SHLD1: variants seen among roughly 807,000 people sequenced by gnomAD.
SHLD1 encodes the protein shieldin complex subunit 1.
A neutral mutation model predicts 5.5 loss-of-function variants in SHLD1; 3 were observed. The ratio of observed to expected loss-of-function variants is 0.54; its 90% CI spans 0.25 to 1.40. The LOEUF is 1.40. Ranked by LOEUF, SHLD1 falls within the 40% of genes most tolerant of loss-of-function variation. SHLD1 has a pLI of 0.15. For missense variants in SHLD1, 210 were observed against 244.4 expected, an observed-to-expected ratio of 0.86 and a Z score of 0.94; for synonymous variants, 92 against 94.3, an observed-to-expected ratio of 0.98 and a Z score of 0.14.
intron 1 of SHLD1, among the ~76,000 whole-genome samples, chr20:5,755,594 T>A (rs1016932515): frequency 1.3e-5 from 2 of 151,902 alleles, no homozygotes; most frequent in Non-Finnish European, 2.9e-5. Flanking sequence ...AGTTTCACTC[T>A]TGTTGCCCAG....
chr20:5,848,365 T>C (rs56275333), intron 2 of SHLD1, among the ~76,000 whole-genome samples: 13,206 of 152,048 alleles, frequency 0.087, 607 homozygotes, highest in African/African-American at 0.1. Context: ...CATGGCAAAA[T>C]CCCCTCTCTA....
chr20:5,824,105 C>G (rs1467436553), intron 2 of SHLD1, among the ~76,000 whole-genome samples: 1 of 152,374 alleles, frequency 6.6e-6, no homozygotes, highest in African/African-American at 2.4e-5. Flanking sequence ...CCCACAGGAT[C>G]TGGCTTCTCC....
intron 2 of SHLD1, among the ~76,000 whole-genome samples, chr20:5,801,002 G>C (rs956598615): frequency 8.6e-5 from 13 of 151,808 alleles, no homozygotes; most frequent in Non-Finnish European, 1.8e-4. Context: ...AAAAACTATA[G>C]ACTATTTCTC....
At chr20:5,832,460 A>C (rs2087740366) in intron 2 of SHLD1, among the ~76,000 whole-genome samples, 1 of 150,996 alleles carries the variant, frequency 6.6e-6, no homozygotes, top group African/African-American at 2.4e-5. Flanking sequence ...CACCACTTAA[A>C]TTTTATTTAT....
chr20:5,825,176 G>A (rs2087651959), intron 2 of SHLD1, among the ~76,000 whole-genome samples: 1 of 152,216 alleles, frequency 6.6e-6, no homozygotes, highest in Admixed American at 6.5e-5. Flanking sequence ...GCAGCAACCT[G>A]CCTTTGCTGC....
At chr20:5,799,197 T>C (rs1288393771) in intron 2 of SHLD1, among the ~76,000 whole-genome samples, 1 of 144,760 alleles carries the variant, frequency 6.9e-6, no homozygotes, top group African/African-American at 2.5e-5. Flanking sequence ...AGCGAGACTC[T>C]GTCTCAGAAA....
chr20:5,799,459 C>G (rs1199363053), intron 2 of SHLD1, among the ~76,000 whole-genome samples: 1 of 134,894 alleles, frequency 7.4e-6, no homozygotes, highest in Non-Finnish European at 1.5e-5. Context: ...CACCACCATG[C>G]CTGGCTAATT....
intron 1 of SHLD1, among the ~76,000 whole-genome samples, chr20:5,757,973 C>T (rs189852724): frequency 7.2e-5 from 11 of 152,214 alleles, no homozygotes; most frequent in Admixed American, 7.2e-4. Context: ...GAGTATGATC[C>T]TCTTATATGT....
At chr20:5,854,023 TAGAC>T (rs1476533858) in intron 2 of SHLD1, among the ~76,000 whole-genome samples, 2 of 151,054 alleles carry the variant, frequency 1.3e-5, no homozygotes, top group Non-Finnish European at 3.0e-5. Flanking sequence ...TTTTTTTTTT[TAGAC>T]AGAGTTTTGC....
intron 2 of SHLD1, among the ~76,000 whole-genome samples, chr20:5,794,043 TA>T (rs11480793): frequency 1.4e-4 from 21 of 149,034 alleles, no homozygotes; most frequent in African/African-American, 2.0e-4. Flanking sequence ...TCCCCTCACT[TA>T]AAAAAAAAAA....
chr20:5,800,032 CA>C (rs940141030), intron 2 of SHLD1, among the ~76,000 whole-genome samples: 7 of 151,782 alleles, frequency 4.6e-5, no homozygotes, highest in African/African-American at 1.7e-4. Flanking sequence ...TTTTGTCCTT[CA>C]GGGGGTATTT....
intron 2 of SHLD1, among the ~76,000 whole-genome samples, chr20:5,802,004 CA>C (rs1317007478): frequency 1.3e-5 from 2 of 152,052 alleles, no homozygotes; most frequent in African/African-American, 4.8e-5. Context: ...CTAAACTTAC[CA>C]CAGGAAAAAT....
intron 2 of SHLD1, among the ~76,000 whole-genome samples, chr20:5,824,280 A>C (rs1481175153): frequency 6.6e-6 from 1 of 152,136 alleles, no homozygotes; most frequent in Non-Finnish European, 1.5e-5. Context: ...CTTTCTTCAG[A>C]TCTCTGCTCA....
At chr20:5,825,510 A>G (rs114069682) in intron 2 of SHLD1, among the ~76,000 whole-genome samples, 6,285 of 152,328 alleles carry the variant, frequency 0.041, 472 homozygotes, top group African/African-American at 0.14. Context: ...ATTGCTCTGG[A>G]AGTTTCTGAC....
At chr20:5,860,710 C>G (rs2088149841) in intron 2 of SHLD1, among the ~76,000 whole-genome samples, 1 of 152,022 alleles carries the variant, frequency 6.6e-6, no homozygotes, top group Non-Finnish European at 1.5e-5. Context: ...GCCAAGAACT[C>G]CTCTCCTGCT....
At chr20:5,856,702 T>G (rs189318972) in intron 2 of SHLD1, among the ~76,000 whole-genome samples, 1 of 152,182 alleles carries the variant, frequency 6.6e-6, no homozygotes, top group Non-Finnish European at 1.5e-5. Context: ...CCCCCACTAC[T>G]CCCTGGTTCA....
intron 1 of SHLD1, among the ~76,000 whole-genome samples, chr20:5,762,447 C>T (rs892474698): frequency 1.3e-5 from 2 of 152,122 alleles, no homozygotes; most frequent in African/African-American, 4.8e-5. Flanking sequence ...GCCATACTCT[C>T]TGAGTGGGTA....
chr20:5,826,757 GT>G (rs142327960), intron 2 of SHLD1, among the ~76,000 whole-genome samples: 4,174 of 152,286 alleles, frequency 0.027, 188 homozygotes, highest in African/African-American at 0.094. Flanking sequence ...CTGTGCCTCA[GT>G]TTCCTCATCT....
At chr20:5,828,145 T>C (rs998896004) in intron 2 of SHLD1, among the ~76,000 whole-genome samples, 5 of 152,182 alleles carry the variant, frequency 3.3e-5, no homozygotes, top group Non-Finnish European at 5.9e-5. Flanking sequence ...CCCCCCAACA[T>C]ACATCTAGAT....
Sources: gnomAD v4.1 joint callset for allele counts (sites outside exome capture counted in the v4.1 genomes callset) on GRCh38, gnomAD v4.1.1 for gene constraint, MANE v1.5 for transcripts, NCBI Gene and HGNC (gene_info 2026-07-23, HGNC 2026-07-21) for gene names.